ENTREP2: variants seen among roughly 807,000 people sequenced by gnomAD.
The protein encoded by ENTREP2 is protein ENTREP2.
the ENTREP2 span, among the ~76,000 whole-genome samples, chr15:29,280,466 G>A: frequency 6.6e-6 from 1 of 152,152 alleles, no homozygotes; most frequent in East Asian, 1.9e-4. Flanking sequence ...GACAGAAGGA[G>A]GTACAAAGAA....
chr15:29,183,876 C>A, the ENTREP2 span, among the ~76,000 whole-genome samples: 1 of 152,046 alleles, frequency 6.6e-6, no homozygotes, highest in South Asian at 2.1e-4. Flanking sequence ...TAATATATTT[C>A]TTATTTAAAG....
chr15:29,180,094 A>G, the ENTREP2 span, among the ~76,000 whole-genome samples: 78 of 152,294 alleles, frequency 5.1e-4, no homozygotes, highest in Non-Finnish European at 9.6e-4. Context: ...ACAGGAGGAC[A>G]CATGGACAAA....
At chr15:29,327,594 C>CAAA in the ENTREP2 span, among the ~76,000 whole-genome samples, 23 of 92,382 alleles carry the variant, frequency 2.5e-4, no homozygotes, top group African/African-American at 7.7e-4. Context: ...GACCCCATCT[C>CAAA]AAAAAAAAAA....
chr15:29,484,783 G>T, the ENTREP2 span, among the ~76,000 whole-genome samples: 1 of 152,124 alleles, frequency 6.6e-6, no homozygotes, highest in Non-Finnish European at 1.5e-5. Flanking sequence ...TTTACTGAAT[G>T]AAATAAGAAC....
chr15:29,371,372 A>ACACACACACACACC, the ENTREP2 span, among the ~76,000 whole-genome samples: 1 of 151,736 alleles, frequency 6.6e-6, no homozygotes, highest in African/African-American at 2.4e-5. Flanking sequence ...ACACACACAC[A>ACACACACACACACC]CACACACACA....
chr15:29,349,778 G>A, the ENTREP2 span, among the ~76,000 whole-genome samples: 1 of 152,138 alleles, frequency 6.6e-6, no homozygotes, highest in African/African-American at 2.4e-5. Flanking sequence ...CGTACCTGTA[G>A]TCCCAGCTAC....
At chr15:29,125,544 C>G in the ENTREP2 span, among the ~76,000 whole-genome samples, 1 of 152,324 alleles carries the variant, frequency 6.6e-6, no homozygotes, top group East Asian at 1.9e-4. Context: ...CCAGGACCCA[C>G]TGCGCCCTCT....
At chr15:29,130,479 T>G in the ENTREP2 span, among the ~76,000 whole-genome samples, 135,446 of 152,142 alleles carry the variant, frequency 0.89, 61,092 homozygotes, top group Non-Finnish European at 0.96. Flanking sequence ...CTCTCGGACT[T>G]GCTTTTCTTT....
the ENTREP2 span, among the ~76,000 whole-genome samples, chr15:29,165,179 C>T: frequency 6.6e-6 from 1 of 151,844 alleles, no homozygotes; most frequent in African/African-American, 2.4e-5. Context: ...GAGGTGGTGC[C>T]AAGAGGAAAG....
the ENTREP2 span, among the ~76,000 whole-genome samples, chr15:29,571,273 C>G: frequency 6.6e-6 from 1 of 152,134 alleles, no homozygotes; most frequent in African/African-American, 2.4e-5. Flanking sequence ...GCATCAGCCT[C>G]CGCGGCGGAG....
chr15:29,635,538 G>A, the ENTREP2 span, among the ~76,000 whole-genome samples: 20 of 152,096 alleles, frequency 1.3e-4, no homozygotes, highest in Non-Finnish European at 2.6e-4. Flanking sequence ...TCGGAAGTGT[G>A]GCAGGACTAG....
chr15:29,368,984 A>G, the ENTREP2 span, among the ~76,000 whole-genome samples: 2 of 152,198 alleles, frequency 1.3e-5, no homozygotes, highest in African/African-American at 2.4e-5. Flanking sequence ...GACCAAAGAA[A>G]GAGTCATCAG....
chr15:29,137,788 A>G, the ENTREP2 span, among the ~76,000 whole-genome samples: 1 of 152,154 alleles, frequency 6.6e-6, no homozygotes. Context: ...GTGAGCCAAG[A>G]TTGTGCCATT....
At chr15:29,563,207 A>C in the ENTREP2 span, among the ~76,000 whole-genome samples, 99,665 of 152,016 alleles carry the variant, frequency 0.66, 32,943 homozygotes, top group Non-Finnish European at 0.71. Context: ...TTATTTTAGG[A>C]AGGTTTTCTT....
chr15:29,632,057 CTAGA>C, the ENTREP2 span, among the ~76,000 whole-genome samples: 548 of 152,326 alleles, frequency 3.6e-3, 2 homozygotes, highest in Non-Finnish European at 5.9e-3. Flanking sequence ...CCTGTCTCTG[CTAGA>C]TAAATAAGGT....
chr15:29,180,866 A>C, the ENTREP2 span, among the ~76,000 whole-genome samples: 2 of 152,016 alleles, frequency 1.3e-5, no homozygotes, highest in Non-Finnish European at 2.9e-5. Flanking sequence ...TTGCCTGCTT[A>C]TATGAGGAAG....
chr15:29,419,135 C>T, the ENTREP2 span, among the ~76,000 whole-genome samples: 5 of 152,150 alleles, frequency 3.3e-5, no homozygotes, highest in Non-Finnish European at 4.4e-5. Flanking sequence ...TCAGCACAGT[C>T]CTTGCTTCAA....
the ENTREP2 span, among the ~76,000 whole-genome samples, chr15:29,139,193 C>T: frequency 1.3e-5 from 2 of 152,138 alleles, no homozygotes; most frequent in African/African-American, 4.8e-5. Flanking sequence ...TCTAGGTTGA[C>T]GAAGAAAGGC....
At chr15:29,382,540 T>TC in the ENTREP2 span, among the ~76,000 whole-genome samples, 2 of 152,058 alleles carry the variant, frequency 1.3e-5, no homozygotes, top group South Asian at 2.1e-4. Context: ...AGGCCCTGAC[T>TC]CCAAGCAGCC....
Sources: gnomAD v4.1 joint callset for allele counts (sites outside exome capture counted in the v4.1 genomes callset) on GRCh38, gnomAD v4.1.1 for gene constraint, MANE v1.5 for transcripts, NCBI Gene and HGNC (gene_info 2026-07-23, HGNC 2026-07-21) for gene names.